SATB1: variants seen among roughly 807,000 people sequenced by gnomAD.
SATB1 encodes DNA-binding protein SATB1.
In SATB1, 11 loss-of-function variants were observed where a neutral mutation model predicts 86.9. That is an observed-to-expected ratio of 0.13 (90% CI 0.08 to 0.21). The LOEUF (loss-of-function observed/expected upper bound fraction) is 0.21, where lower values mean the gene tolerates loss of function less well. Among genes scored for constraint, SATB1 ranks in the 10% least tolerant of loss-of-function variants. The pLI is 1.00. For synonymous variants in SATB1, 357 were observed against 357.2 expected (o/e 1.00, Z 0.01); for missense variants, 551 against 937.6 (o/e 0.59, Z 5.39).
At chr3:18,365,194 C>T (rs1206214236) in intron 9 of SATB1, among the ~76,000 whole-genome samples, 1 of 152,158 alleles carries the variant, frequency 6.6e-6, no homozygotes, top group Non-Finnish European at 1.5e-5. Context: ...CTGTTACAAA[C>T]ACAGAGATTG....
intron 1 of SATB1, among the ~76,000 whole-genome samples, chr3:18,422,043 C>T (rs756181408): frequency 2.0e-5 from 3 of 152,020 alleles, no homozygotes; most frequent in Admixed American, 1.3e-4. Flanking sequence ...ATATCAAAGT[C>T]ATTTTTAAAG....
Position 18,352,330 on chromosome 3 carries a change from T to A in SATB1, c.1576-135A>T. On this transcript the variant is annotated intron_variant, in intron 9 of 10. Transcript: ENST00000338745. This position sits in a 1 kb window ranked among gnomAD's most constrained non-coding sequence, Gnocchi z 4.1. ...GAACACACCATTCTGCTTTAAAAAT[T>A]GTTTTTAACTTGTTAAGAGAGGTTA... The A allele has an allele frequency of 1.4e-6, 1 of 714,570 alleles. No homozygotes were observed. Among genetic ancestry groups the A allele is most frequent in the Non-Finnish European group, 2.3e-6 (1 of 434,814 alleles). The allele number at this position is 714,570 out of a possible 1,614,324, so 44.3% of individuals were successfully genotyped here.
Position 18,352,202 on chromosome 3 carries a change from G to C in SATB1, c.1576-7C>G. The C allele has an allele frequency of 6.2e-7, 1 of 1,613,762 alleles. No homozygotes were observed. Among genetic ancestry groups the C allele is most frequent in the South Asian group, 1.1e-5 (1 of 91,048 alleles). On this transcript the variant is annotated splice_polypyrimidine_tract_variant and splice_region_variant and intron_variant, in intron 9 of 10. Coordinates refer to ENST00000338745, the MANE Select transcript of SATB1 (RefSeq NM_002971.6). The surrounding 1 kb of genome is among the most constrained non-coding windows in gnomAD (Gnocchi z 4.1). The stretch of plus-strand genomic sequence containing the variant: ...ACAGCTCGCACAACCATCCCTTAGA[G>C]ACAAGGGCATAATAGGTCAGTTTGT...
chr3:18,408,081 A>G (rs567770986), intron 5 of SATB1, among the ~76,000 whole-genome samples: 3 of 152,172 alleles, frequency 2.0e-5, no homozygotes, highest in Non-Finnish European at 4.4e-5. Context: ...CTTCCAACCT[A>G]TCAACTGGTT....
intron 6 of SATB1, among the ~76,000 whole-genome samples, chr3:18,396,875 C>G (rs904158945): frequency 6.6e-6 from 1 of 152,096 alleles, no homozygotes; most frequent in Non-Finnish European, 1.5e-5. Context: ...GAAATCACAG[C>G]TAATATTAGT....
At chr3:18,410,036 A>G (rs2125146809) in intron 5 of SATB1, among the ~76,000 whole-genome samples, 1 of 152,190 alleles carries the variant, frequency 6.6e-6, no homozygotes, top group Admixed American at 6.5e-5. Context: ...GTAACTGCAC[A>G]GAACTATACC....
chr3:18,397,782 T>C (rs1697041158), intron 5 of SATB1, among the ~76,000 whole-genome samples: 1 of 152,200 alleles, frequency 6.6e-6, no homozygotes, highest in African/African-American at 2.4e-5. Context: ...ACCAGTGCAC[T>C]TAGCAGCTGA....
chr3:18,357,467 A>G (rs952241583), intron 9 of SATB1, among the ~76,000 whole-genome samples: 4 of 151,680 alleles, frequency 2.6e-5, no homozygotes, highest in Non-Finnish European at 5.9e-5. Flanking sequence ...TCTACTTTTA[A>G]AAGAATCTGT....
intron 2 of SATB1, among the ~76,000 whole-genome samples, chr3:18,433,170 C>G (rs1698943808): frequency 6.6e-6 from 1 of 152,130 alleles, no homozygotes; most frequent in Non-Finnish European, 1.5e-5. Flanking sequence ...CAAAAACAAA[C>G]AGGAGTTCCT....
rs1694207449 is a variant in SATB1, at chr3:18,349,030, A to T, written c.*140T>A. 7.1e-7 allele frequency: 1 copy of T among 1,401,434 alleles called. No homozygotes were observed. The highest frequency in any genetic ancestry group is 2.5e-5 in the East Asian group (1 of 40,760). The allele number at this position is 1,401,434 out of a possible 1,614,324, so 86.8% of individuals were successfully genotyped here. A position where few individuals can be genotyped will look rare whatever the true frequency, so the allele number is the denominator to read the frequency against. ...GTGCAGTCTGTATTATCCTTTTCCA[A>T]CTTTTCTGTTTGTGCAAGTTTTTGA... On this transcript the variant is annotated 3_prime_UTR_variant, in exon 11 of 11. Transcript: ENST00000338745. This position sits in a 1 kb window ranked among gnomAD's most constrained non-coding sequence, Gnocchi z 5.5.
intron 10 of SATB1, 138 bp downstream of exon 10, chr3:18,351,854 C>A: frequency 1.3e-6 from 1 of 746,730 alleles, no homozygotes. Flanking sequence ...TCCCCCTGAG[C>A]AAGATGGCAG....
intron 8 of SATB1, among the ~76,000 whole-genome samples, chr3:18,385,484 G>A (rs903485841): frequency 4.6e-5 from 7 of 152,072 alleles, no homozygotes; most frequent in South Asian, 4.2e-4. Flanking sequence ...TTAGCTGGGC[G>A]TGGTGGCAGA....
intron 9 of SATB1, among the ~76,000 whole-genome samples, chr3:18,358,168 G>A (rs2125139960): frequency 6.6e-6 from 1 of 152,044 alleles, no homozygotes; most frequent in African/African-American, 2.4e-5. Flanking sequence ...AGGCATTAAA[G>A]TTGAGGGCAA....
intron 8 of SATB1, among the ~76,000 whole-genome samples, chr3:18,385,487 G>A (rs575638310): frequency 1.2e-4 from 19 of 152,216 alleles, no homozygotes; most frequent in African/African-American, 4.6e-4. Context: ...GCTGGGCGTG[G>A]TGGCAGATGC....
intron 9 of SATB1, among the ~76,000 whole-genome samples, chr3:18,360,230 G>A (rs1426847068): frequency 6.6e-6 from 1 of 152,070 alleles, no homozygotes; most frequent in Non-Finnish European, 1.5e-5. Flanking sequence ...AAGCTTTCTT[G>A]AATCCTCTTA....
chr3:18,390,140 A>G (rs1696574942), intron 7 of SATB1, among the ~76,000 whole-genome samples: 1 of 152,172 alleles, frequency 6.6e-6, no homozygotes, highest in Non-Finnish European at 1.5e-5. Context: ...CTAATTATGA[A>G]TTCTTTAAAA....
chr3:18,355,051 C>T (rs191741341), intron 9 of SATB1, among the ~76,000 whole-genome samples: 37 of 152,132 alleles, frequency 2.4e-4, no homozygotes, highest in Non-Finnish European at 4.6e-4. Context: ...CTCCGCTAGC[C>T]TTTCAAGAAA....
intron 2 of SATB1, among the ~76,000 whole-genome samples, chr3:18,430,346 G>T (rs1358770143): frequency 2.0e-5 from 3 of 152,162 alleles, no homozygotes; most frequent in Non-Finnish European, 4.4e-5. Context: ...CTGTAAAGTT[G>T]CAGGAAATGA....
upstream of SATB1, among the ~76,000 whole-genome samples, chr3:18,428,897 A>G (rs1698799976): frequency 6.6e-6 from 1 of 152,256 alleles, no homozygotes; most frequent in Admixed American, 6.5e-5. Context: ...TAATAAACAG[A>G]GAAAGCATTT....
Sources: allele counts gnomAD v4.1 joint callset (sites outside exome capture counted in the v4.1 genomes callset), GRCh38; gene constraint gnomAD v4.1.1; non-coding constraint Gnocchi (gnomAD v3.1); transcripts MANE v1.5; gene names NCBI Gene and HGNC (gene_info 2026-07-23, HGNC 2026-07-21).